Variants in ADAMTS2 observed in about 807,000 individuals in gnomAD.
ADAMTS2 encodes A disintegrin and metalloproteinase with thrombospondin motifs 2.
In ADAMTS2, 50 loss-of-function variants were observed where a neutral mutation model predicts 123.0. The ratio of observed to expected loss-of-function variants is 0.41; its 90% CI spans 0.32 to 0.51. ADAMTS2 has a LOEUF of 0.51. Ranked by LOEUF, ADAMTS2 falls within the 20% of genes least tolerant of loss-of-function variation. The pLI, the probability that ADAMTS2 is intolerant of heterozygous loss-of-function variation, is 0.35. For synonymous variants in ADAMTS2, 678 were observed against 695.4 expected, an observed-to-expected ratio of 0.98 and a Z score of 0.39; for missense variants, 1,494 against 1,705.2, an observed-to-expected ratio of 0.88 and a Z score of 2.18.
chr5:179,182,675 G>A (rs1364466794), intron 4 of ADAMTS2, among the ~76,000 whole-genome samples: 1 of 152,122 alleles, frequency 6.6e-6, no homozygotes, highest in Non-Finnish European at 1.5e-5. Context: ...AGCTCCTCTT[G>A]GCAACTGCTG....
chr5:179,217,671 G>T (rs74942845), intron 3 of ADAMTS2, among the ~76,000 whole-genome samples: 5,948 of 120,938 alleles, frequency 0.049, 181 homozygotes, highest in South Asian at 0.11. Context: ...CTCCTTAGCT[G>T]CCCCATCCCC....
intron 2 of ADAMTS2, among the ~76,000 whole-genome samples, chr5:179,334,255 C>T (rs186156567): frequency 6.6e-6 from 1 of 152,330 alleles, no homozygotes; most frequent in African/African-American, 2.4e-5. Context: ...AAGGCTGCCC[C>T]TCCCTACGAG....
chr5:179,129,073 T>C lies in ADAMTS2; in HGVS notation c.2457+859A>G, dbSNP rs559111392. On this transcript the variant is annotated intron_variant, in intron 16 of 21. Transcript: ENST00000251582. This position sits in a 1 kb window ranked among gnomAD's most constrained non-coding sequence, Gnocchi z 4.1. Reference sequence around the variant, plus strand: ...ACTTCACCACTCTGTGCGTGTCCGTTTGGGGCTCACGAATCAATTTTAGTG... The same window carrying C: ...ACTTCACCACTCTGTGCGTGTCCGTCTGGGGCTCACGAATCAATTTTAGTG... Among the ~76,000 whole-genome samples the C allele has an allele frequency of 2.0e-5, 3 of 152,256 alleles. No individual in the cohort carries two copies. Among genetic ancestry groups the C allele is most frequent in the South Asian group, 4.1e-4 (2 of 4,820 alleles).
chr5:179,205,905 G>C (rs1268065358), intron 4 of ADAMTS2, among the ~76,000 whole-genome samples: 1 of 151,928 alleles, frequency 6.6e-6, no homozygotes, highest in East Asian at 1.9e-4. Context: ...CTGAGTAGCT[G>C]GGACTACAGG....
rs377462612 is a variant in ADAMTS2 at position 179,153,639 on chromosome 5, G to C, written c.1383-16C>G. The C allele has an allele frequency of 1.9e-6, 3 of 1,597,602 alleles. No homozygotes were observed. The highest frequency in any genetic ancestry group is 2.5e-6 in the Non-Finnish European group (3 of 1,178,484). On this transcript the variant is annotated splice_polypyrimidine_tract_variant and intron_variant, in intron 8 of 21. Transcript: ENST00000251582. Reference sequence around the variant, plus strand: ...GTCATAGGAGCTGTGGGGGACACACGGTGCCGCGAGCAGCCTTCAGCGCGG... The same window carrying C: ...GTCATAGGAGCTGTGGGGGACACACCGTGCCGCGAGCAGCCTTCAGCGCGG...
In ADAMTS2 at chr5:179,159,529, G is replaced by T. The variant is rs533882616; in HGVS notation, c.976-650C>A. ...AAAAACAGCCATATCAAGAACAAGG[G>T]CATACACAGATGATTCCCACAGGAA... On this transcript the variant is annotated intron_variant, in intron 5 of 21. Transcript: ENST00000251582. Among the ~76,000 whole-genome samples the T allele has an allele frequency of 3.1e-4, 47 of 152,252 alleles. No individual in the cohort carries two copies. The South Asian group carries it at 8.1e-3, about 26-fold the overall frequency.
chr5:179,141,592 T>TC (rs1763171531), intron 10 of ADAMTS2, among the ~76,000 whole-genome samples: 1 of 151,852 alleles, frequency 6.6e-6, no homozygotes, highest in Non-Finnish European at 1.5e-5. Flanking sequence ...ATCTATTAAA[T>TC]CTTGGTAAGA....
intron 2 of ADAMTS2, among the ~76,000 whole-genome samples, chr5:179,273,859 T>C (rs1156583397): frequency 6.6e-6 from 1 of 152,082 alleles, no homozygotes; most frequent in African/African-American, 2.4e-5. Context: ...CTCTATATGC[T>C]GGCATTCAGG....
intron 2 of ADAMTS2, among the ~76,000 whole-genome samples, chr5:179,323,521 C>T (rs1261377395): frequency 6.6e-6 from 1 of 152,258 alleles, no homozygotes; most frequent in Non-Finnish European, 1.5e-5. Context: ...CCTGTCACTG[C>T]CCTGTGGGAG....
At chr5:179,192,809 A>C (rs952524273) in intron 4 of ADAMTS2, among the ~76,000 whole-genome samples, 1 of 152,106 alleles carries the variant, frequency 6.6e-6, no homozygotes, top group African/African-American at 2.4e-5. Context: ...ACTTCCTGGC[A>C]CCATCGTGAT....
chr5:179,215,222 G>A (rs1296836951), intron 3 of ADAMTS2, among the ~76,000 whole-genome samples: 3 of 152,250 alleles, frequency 2.0e-5, no homozygotes, highest in Non-Finnish European at 2.9e-5. Flanking sequence ...GCCGAGGCGG[G>A]TGGATCACCT....
chr5:179,124,866 C>A, intron 19 of ADAMTS2, 107 bp downstream of exon 19: 2 of 1,596,534 alleles, frequency 1.3e-6, no homozygotes, highest in Non-Finnish European at 1.7e-6. Flanking sequence ...ATGCACGGAG[C>A]GGGTGGTGGT....
At position 179,130,539 on chromosome 5, in the gene ADAMTS2, T is replaced by C. The variant is rs1197715133; in HGVS notation, c.2291-441A>G. ...GGCTTCCTGCCATGGGGTGAGTATA[T>C]GTCTGGCTGAAACAGCAGAACCCCC... is the stretch of plus-strand genomic sequence containing the variant. On this transcript the variant is annotated intron_variant, in intron 15 of 21. Coordinates refer to ENST00000251582, the MANE Select transcript of ADAMTS2 (RefSeq NM_014244.5). This position sits in a 1 kb window ranked among gnomAD's most constrained non-coding sequence, Gnocchi z 4.3. Among the ~76,000 whole-genome samples the C allele has an allele frequency of 6.6e-6, 1 of 152,184 alleles. No individual in the cohort carries two copies. The highest frequency in any genetic ancestry group is 1.5e-5 in the Non-Finnish European group (1 of 68,022).
chr5:179,226,567 G>T (rs545308037), intron 3 of ADAMTS2, among the ~76,000 whole-genome samples: 49 of 151,936 alleles, frequency 3.2e-4, no homozygotes, highest in African/African-American at 1.1e-3. Context: ...ATGAGCCACC[G>T]AGCAGCTTTT....
chr5:179,345,215 C>T lies in ADAMTS2; in HGVS notation c.114G>A (p.Arg38=). The stretch of plus-strand genomic sequence containing the variant: ...CTGGGGGGTCGGCGGCGGCGGCGAG[C>T]CTGGCGTTCGCGGGCGGCGGCGGCG... The part of the protein sequence containing the change: ...LPPPPPPANA[R]LAAAADPPGG... Residue 38 remains arginine, a synonymous_variant, in exon 1 of 22, where the codon AGG becomes AGA. Coordinates refer to ENST00000251582, the MANE Select transcript of ADAMTS2 (RefSeq NM_014244.5). The surrounding 1 kb of genome is among the most constrained non-coding windows in gnomAD (Gnocchi z 7.5). 8.8e-7 allele frequency: 1 copy of T among 1,130,744 alleles called. No homozygotes were observed. The allele number at this position is 1,130,744 out of a possible 1,614,324, so 70.0% of individuals were successfully genotyped here.
intron 5 of ADAMTS2, among the ~76,000 whole-genome samples, chr5:179,160,113 G>A (rs1205062999): frequency 1.3e-5 from 2 of 152,126 alleles, no homozygotes; most frequent in East Asian, 3.9e-4. Context: ...TTTTTCTCTT[G>A]CATAAATGTA....
chr5:179,166,683 C>G (rs1763705444), intron 5 of ADAMTS2, among the ~76,000 whole-genome samples: 3 of 152,240 alleles, frequency 2.0e-5, no homozygotes, highest in Non-Finnish European at 4.4e-5. Context: ...GGTCCCTCCT[C>G]CTGCGTGCGA....
chr5:179,212,179 G>T (rs1764868713), intron 3 of ADAMTS2, among the ~76,000 whole-genome samples: 1 of 152,100 alleles, frequency 6.6e-6, no homozygotes, highest in South Asian at 2.1e-4. Flanking sequence ...GATGGTGCGG[G>T]CTCTGAGGGT....
chr5:179,336,172 C>T (rs1386805620), intron 2 of ADAMTS2, among the ~76,000 whole-genome samples: 1 of 152,210 alleles, frequency 6.6e-6, no homozygotes, highest in Non-Finnish European at 1.5e-5. Context: ...TCTCAGGCCC[C>T]GGCCCTGGCC....
Sources: allele counts gnomAD v4.1 joint callset (sites outside exome capture counted in the v4.1 genomes callset), GRCh38; gene constraint gnomAD v4.1.1; non-coding constraint Gnocchi (gnomAD v3.1); transcripts MANE v1.5; gene names NCBI Gene and HGNC (gene_info 2026-07-23, HGNC 2026-07-21).